PRDM1: variants seen among roughly 807,000 people sequenced by gnomAD.
PRDM1 encodes PR/SET domain 1, also known as PR domain zinc finger protein 1.
In PRDM1, 13 loss-of-function variants were observed where a neutral mutation model predicts 62.8. The observed-to-expected ratio is 0.21, with a 90% confidence interval of 0.13 to 0.33. The LOEUF (loss-of-function observed/expected upper bound fraction) is 0.33. PRDM1 is among the 10% of genes least tolerant of loss of function. The pLI is 1.00. For synonymous variants in PRDM1, 396 were observed against 417.6 expected (o/e 0.95, Z 0.63); for missense variants, 895 against 1,058.8 (o/e 0.85, Z 2.15).
chr6:106,062,924 C>T (rs1038696426), intron 1 of PRDM1, among the ~76,000 whole-genome samples: 2 of 152,146 alleles, frequency 1.3e-5, no homozygotes, highest in Non-Finnish European at 2.9e-5. Flanking sequence ...ACCTCCCACC[C>T]CCCAAAAACG....
intron 1 of PRDM1, among the ~76,000 whole-genome samples, chr6:106,029,041 C>A (rs950476488): frequency 6.6e-6 from 1 of 151,832 alleles, no homozygotes; most frequent in Non-Finnish European, 1.5e-5. Flanking sequence ...CTGCCTCAGC[C>A]TCCCGAGTAG....
At chr6:105,999,065 G>A (rs780598661) in intron 1 of PRDM1, among the ~76,000 whole-genome samples, 95 of 151,468 alleles carry the variant, frequency 6.3e-4, no homozygotes, top group Non-Finnish European at 1.1e-3. Context: ...AGCCTCCCAA[G>A]TAGCTGGGAC....
intron 4 of PRDM1, among the ~76,000 whole-genome samples, chr6:106,103,655 G>A (rs914535393): frequency 1.3e-5 from 2 of 152,204 alleles, no homozygotes; most frequent in Admixed American, 6.5e-5. Context: ...ATCATTTATT[G>A]TGTAGCGAGG....
chr6:106,067,662 A>G (rs1773453948), intron 1 of PRDM1, among the ~76,000 whole-genome samples: 1 of 152,218 alleles, frequency 6.6e-6, no homozygotes, highest in African/African-American at 2.4e-5. Flanking sequence ...TGAGGTACCT[A>G]GAAAGGGCAG....
chr6:106,108,017 A>G lies in PRDM1; in HGVS notation c.*531A>G, dbSNP rs1774554583. 1 of 232,936 alleles carries G rather than the reference A, an allele frequency of 4.3e-6. No homozygotes were observed. The highest frequency in any genetic ancestry group is 1.8e-4 in the South Asian group (1 of 5,524). The allele number at this position is 232,936 out of a possible 1,614,324, so 14.4% of individuals were successfully genotyped here. On this transcript the variant is annotated 3_prime_UTR_variant, in exon 7 of 7. Coordinates refer to ENST00000369096, the MANE Select transcript of PRDM1 (RefSeq NM_001198.4). ...ACCTAAGATTTAGTTAAACAAATATATGACTTCAGTCAACCTCTCTCTCTA... is the reference window on the plus strand; with the variant it reads ...ACCTAAGATTTAGTTAAACAAATATGTGACTTCAGTCAACCTCTCTCTCTA...
chr6:106,082,529 G>A (rs1202426014), upstream of PRDM1, among the ~76,000 whole-genome samples: 7 of 152,108 alleles, frequency 4.6e-5, no homozygotes, highest in East Asian at 3.9e-4. Context: ...CTGAAGGGAG[G>A]GCTAAAAAAG....
intron 1 of PRDM1, among the ~76,000 whole-genome samples, chr6:106,039,689 CT>C (rs1382148240): frequency 6.6e-6 from 1 of 152,134 alleles, no homozygotes; most frequent in South Asian, 2.1e-4. Flanking sequence ...AATTTTACCC[CT>C]GATGTGTTCA....
At position 106,050,243 on chromosome 6, in the gene PRDM1, C is replaced by CT. The variant is rs1184185723; in HGVS notation, c.-67+1530dup. ...ATCTACTCTGTTTGTTAGTGTTACT[C>CT]TAAGATTTCAGTAGGCTTAATAGAA... On this transcript the variant is annotated intron_variant, in intron 1 of 6. Transcript: ENST00000651185. Among the ~76,000 whole-genome samples, 5 of 152,226 alleles carry CT rather than the reference C, an allele frequency of 3.3e-5. No homozygotes were observed. The East Asian group carries it at 5.8e-4, about 18-fold the overall frequency.
At chr6:106,038,014 C>CTTTTTTTTTTTTTT (rs1227783243) in intron 1 of PRDM1, among the ~76,000 whole-genome samples, 725 of 47,780 alleles carry the variant, frequency 0.015, 230 homozygotes, top group South Asian at 0.019. Context: ...CTATTTTTGT[C>CTTTTTTTTTTTTTT]TTTTTTTTTT....
intron 1 of PRDM1, among the ~76,000 whole-genome samples, chr6:106,071,440 AAATT>A (rs1426479425): frequency 6.6e-6 from 1 of 152,178 alleles, no homozygotes; most frequent in African/African-American, 2.4e-5. Flanking sequence ...TCTCCAATAA[AAATT>A]AATACAGGAA....
At chr6:106,076,004 T>C (rs1582452454) in intron 1 of PRDM1, among the ~76,000 whole-genome samples, 1 of 151,234 alleles carries the variant, frequency 6.6e-6, no homozygotes, top group South Asian at 2.1e-4. Flanking sequence ...CAGCCTGGAG[T>C]GCAGTGGCAC....
At position 106,109,312 on chromosome 6, in the gene PRDM1, T is replaced by G. The variant is rs1377486449; in HGVS notation, c.*1826T>G. The G allele has an allele frequency of 4.3e-6, 1 of 232,638 alleles. No individual in the cohort carries two copies. Among genetic ancestry groups the G allele is most frequent in the Non-Finnish European group, 8.5e-6 (1 of 117,548 alleles). 14.4% of individuals were successfully genotyped at this position (232,638 alleles called of 1,614,324 possible). On this transcript the variant is annotated 3_prime_UTR_variant, in exon 7 of 7. Transcript: ENST00000369096. The stretch of plus-strand genomic sequence containing the variant: ...GACAGCTCTATTTTTTTTTTGCCAC[T>G]TTATGATTATGTGGTCACACCCAAG...
chr6:105,997,062 C>T (rs1442467468), intron 1 of PRDM1, among the ~76,000 whole-genome samples: 5 of 152,182 alleles, frequency 3.3e-5, no homozygotes, highest in Non-Finnish European at 7.3e-5. Context: ...TAAAAAAATT[C>T]TAGATGGCCA....
chr6:106,086,447 C>A lies in PRDM1; in HGVS notation c.-107C>A. ...GCTGGGACGCGGGCGCCCGGGCGGC[C>A]GGACGAAGCGAGGAGGGACCGCCGA... On this transcript the variant is annotated 5_prime_UTR_variant, in exon 1 of 7. Transcript: ENST00000369096. 8.7e-7 allele frequency: 1 copy of A among 1,155,878 alleles called. No individual in the cohort carries two copies. Among genetic ancestry groups the A allele is most frequent in the Non-Finnish European group, 1.2e-6 (1 of 815,688 alleles). 71.6% of individuals were successfully genotyped at this position (1,155,878 alleles called of 1,614,324 possible). A position where few individuals can be genotyped will look rare whatever the true frequency, so the allele number is the denominator to read the frequency against.
chr6:106,097,695 A>C (rs184269494), intron 3 of PRDM1, among the ~76,000 whole-genome samples: 54 of 152,322 alleles, frequency 3.5e-4, no homozygotes, highest in African/African-American at 1.3e-3. Context: ...TGGCACCGAC[A>C]TTGCTGTTTT....
rs149826030 is a variant in PRDM1, at chr6:106,005,559, G to C, written c.-67+11920G>C. 1.4e-4 allele frequency among the ~76,000 whole-genome samples: 21 copies of C among 152,190 alleles called. No homozygotes were observed. The East Asian group carries it at 4.0e-3, about 29-fold the overall frequency. On this transcript the variant is annotated intron_variant, in intron 1 of 6. Transcript: ENST00000652320. ...TGAATATGGAAAACCTTTTAAACTA[G>C]GAAAAAATGCAACTTTCAATTCGAA...
intron 1 of PRDM1, among the ~76,000 whole-genome samples, chr6:106,013,148 T>G (rs1333295852): frequency 6.6e-6 from 1 of 151,722 alleles, no homozygotes; most frequent in Non-Finnish European, 1.5e-5. Context: ...CCTCCCAAAG[T>G]GCTGAGATTA....
At chr6:106,053,344 G>T (rs1365578916) in intron 1 of PRDM1, among the ~76,000 whole-genome samples, 4 of 152,096 alleles carry the variant, frequency 2.6e-5, no homozygotes, top group Non-Finnish European at 4.4e-5. Context: ...TTGTAACCCA[G>T]TTGGAAATTA....
intron 1 of PRDM1, among the ~76,000 whole-genome samples, chr6:106,017,443 C>T (rs1772635086): frequency 1.3e-5 from 2 of 152,224 alleles, no homozygotes; most frequent in South Asian, 4.1e-4. Flanking sequence ...CTGTGTGTGT[C>T]TGAGTCTGGG....
Sources: allele counts gnomAD v4.1 joint callset (sites outside exome capture counted in the v4.1 genomes callset), GRCh38; gene constraint gnomAD v4.1.1; transcripts MANE v1.5; gene names NCBI Gene and HGNC (gene_info 2026-07-23, HGNC 2026-07-21).